The following NEB variants were observed in gnomAD, a reference collection of about 807,000 sequenced individuals.
NEB encodes nemaline myopathy type 2.
In NEB, 512 loss-of-function variants were observed where a neutral mutation model predicts 952.2. The observed-to-expected ratio is 0.54, with a 90% CI of 0.50 to 0.58. The LOEUF is 0.58. Among genes scored for constraint, NEB ranks in the 20% least tolerant of loss-of-function variants. The pLI, the probability that NEB is intolerant of heterozygous loss-of-function variation, is 0.00. For missense variants in NEB, 8,428 were observed against 9,231.1 expected (o/e 0.91, Z 3.56); for synonymous variants, 2,900 against 3,149.8 (o/e 0.92, Z 2.66).
intron 163 of NEB, among the ~76,000 whole-genome samples, chr2:151,506,699 A>T (rs1408610789): frequency 1.3e-5 from 2 of 152,190 alleles, no homozygotes; most frequent in African/African-American, 4.8e-5. Context: ...TTAAAAATAA[A>T]AGTTACGTTG....
chr2:151,589,817 G>A (rs146323641), intron 97 of NEB, 72 bp downstream of exon 97: 1 of 30 alleles, frequency 0.033, no homozygotes, highest in Admixed American at 0.25. Flanking sequence ...ACAGAGAGTT[G>A]TGTTTTCAGA....
rs1201164160 is a variant in NEB, at chr2:151,540,702, T to G, written c.20782A>C (p.Ser6928Arg). 5 of 1,613,136 alleles carry G rather than the reference T, an allele frequency of 3.1e-6. No homozygotes were observed. The Admixed American group carries it at 5.0e-5, about 16-fold the overall frequency. The change falls in exon 137 of 182, where the codon AGT (serine) becomes CGT (arginine). Residue 6928 changes from serine (S) to arginine (R), a missense_variant. This residue lies in a region of NEB where 3,374 missense variants were observed against 3,651.5 expected (regional missense o/e 0.92). Transcript: ENST00000397345. ...KHAKDVKDMV[S>R]EKKYKIQYEK... is the part of the protein sequence containing the mutation. The stretch of plus-strand genomic sequence containing the variant: ...GTGCTGAATTCCCATCTTACCTCAC[T>G]GACCATGTCCTTCACGTCTTTAGCA...
Position 151,485,809 on chromosome 2 carries a change from C to G in NEB, c.25529G>C (p.Arg8510Thr), listed in dbSNP as rs368167929. Residue 8510 changes from arginine (R) to threonine (T), a missense_variant, in exon 182 of 182, where the codon AGG (arginine) becomes ACG (threonine). By Grantham distance (71) the Arg-to-Thr change is moderately conservative (BLOSUM62 -1). Transcript: ENST00000397345. The part of the protein sequence containing the change: ...DEGWMYGTVQ[R>T]TGRTGMLPAN... ...TGGGAGCATTCCGGTCCTGCCAGTC[C>G]TCTGCACAGTGCCATACATCCAGCC... 1 of 1,614,064 alleles carries G rather than the reference C, an allele frequency of 6.2e-7. No individual in the cohort carries two copies. The highest frequency in any genetic ancestry group is 1.1e-5 in the South Asian group (1 of 91,072).
chr2:151,571,263 C>G (rs993952020), intron 107 of NEB, among the ~76,000 whole-genome samples: 6 of 152,202 alleles, frequency 3.9e-5, no homozygotes, highest in African/African-American at 1.4e-4. Flanking sequence ...GCCTCGGCCT[C>G]CCAAAGTGCT....
chr2:151,686,507 G>A (rs1417768138), intron 27 of NEB, among the ~76,000 whole-genome samples: 1 of 152,164 alleles, frequency 6.6e-6, no homozygotes, highest in Non-Finnish European at 1.5e-5. Flanking sequence ...AGTAATATAA[G>A]TGAGCACTAT....
chr2:151,529,851 G>C (rs1038959888), intron 145 of NEB, among the ~76,000 whole-genome samples: 5 of 152,080 alleles, frequency 3.3e-5, no homozygotes, highest in African/African-American at 1.2e-4. Context: ...TTTTGTTTCT[G>C]TGCTTGTGCT....
intron 36 of NEB, 133 bp from the exon 37 acceptor site, chr2:151,672,813 C>T (rs995171357): frequency 1.7e-4 from 124 of 741,240 alleles, no homozygotes; most frequent in Admixed American, 1.5e-4. Context: ...ACCACAACCC[C>T]CTCCAAAAAG....
At chr2:151,618,970 A>T (rs1573911705) in intron 73 of NEB, among the ~76,000 whole-genome samples, 1 of 152,216 alleles carries the variant, frequency 6.6e-6, no homozygotes, top group East Asian at 1.9e-4. Flanking sequence ...TCTCAATAGG[A>T]CATGCTGAAT....
intron 161 of NEB, among the ~76,000 whole-genome samples, chr2:151,511,790 A>G (rs1039021990): frequency 6.6e-6 from 1 of 152,086 alleles, no homozygotes; most frequent in Non-Finnish European, 1.5e-5. Context: ...GAGGGGAGTC[A>G]GGGGTTAGAC....
chr2:151,610,453 C>T, intron 80 of NEB, 63 bp downstream of exon 80: 1 of 1,292,242 alleles, frequency 7.7e-7, no homozygotes, highest in Non-Finnish European at 1.1e-6. Context: ...TGTGGTTCAC[C>T]AGCCACCCTC....
rs2058054071 is a variant in NEB at position 151,493,412 on chromosome 2, G to C, written c.24706C>G (p.Pro8236Ala). 1 of 1,608,088 alleles carries C rather than the reference G, an allele frequency of 6.2e-7. No individual in the cohort carries two copies. The highest frequency in any genetic ancestry group is 8.5e-7 in the Non-Finnish European group (1 of 1,178,132). Residue 8236 changes from proline to alanine, a missense_variant, in exon 176 of 182, where the codon CCG becomes GCG. Coordinates refer to ENST00000397345, the MANE Select transcript of NEB (RefSeq NM_001164508.2). ...TCCATCTCTGGAGTAACAGGTGTCG[G>C]AGTTGCTTTTCTCATGTTCTCTTTG... Reference protein sequence around the residue: ...LYKENMRKATPTPVTPEMERA... With the variant: ...LYKENMRKATATPVTPEMERA...
intron 72 of NEB, among the ~76,000 whole-genome samples, chr2:151,620,116 TA>T (rs2098358629): frequency 1.3e-5 from 2 of 152,040 alleles, no homozygotes; most frequent in Non-Finnish European, 2.9e-5. Context: ...CATGGATCAT[TA>T]AAATTTTCTA....
At chr2:151,626,114 CTTTT>C (rs745887781) in intron 70 of NEB, among the ~76,000 whole-genome samples, 1 of 138,890 alleles carries the variant, frequency 7.2e-6, no homozygotes, top group Non-Finnish European at 1.6e-5. Flanking sequence ...TTGCATCTTT[CTTTT>C]TTTTTTTTTT....
intron 168 of NEB, among the ~76,000 whole-genome samples, chr2:151,500,115 AATGAGT>A (rs1249145752): frequency 9.2e-5 from 14 of 152,196 alleles, no homozygotes; most frequent in Non-Finnish European, 4.4e-5. Flanking sequence ...CAGGGAAAAC[AATGAGT>A]ATAACATTCC....
chr2:151,711,630 G>A (rs1577325076), intron 10 of NEB, among the ~76,000 whole-genome samples: 1 of 152,050 alleles, frequency 6.6e-6, no homozygotes, highest in African/African-American at 2.4e-5. Context: ...TCAAACTCTG[G>A]GACCAAGACT....
chr2:151,490,214 A>T, intron 180 of NEB, 137 bp from the exon 181 acceptor site: 1 of 1,163,084 alleles, frequency 8.6e-7, no homozygotes, highest in East Asian at 2.5e-5. Context: ...AAAATGAAAC[A>T]TCTAACTTCA....
intron 9 of NEB, among the ~76,000 whole-genome samples, chr2:151,719,614 G>C (rs950977859): frequency 6.6e-6 from 1 of 152,200 alleles, no homozygotes; most frequent in African/African-American, 2.4e-5. Context: ...GCAAGGCACA[G>C]TGACTCACGC....
At chr2:151,717,084 C>T (rs573521385) in intron 10 of NEB, among the ~76,000 whole-genome samples, 45 of 152,334 alleles carry the variant, frequency 3.0e-4, no homozygotes, top group Admixed American at 1.2e-3. Flanking sequence ...TAAACCAGCT[C>T]TTCACGGAAG....
Position 151,503,423 on chromosome 2 carries a change from A to G in NEB, c.23761T>C (p.Leu7921=). 1.2e-6 allele frequency: 2 copies of G among 1,611,142 alleles called. No individual in the cohort carries two copies. Among genetic ancestry groups the G allele is most frequent in the South Asian group, 1.1e-5 (1 of 90,982 alleles). The change falls in exon 166 of 182, where the codon TTG becomes CTG. Residue 7921 remains leucine, a synonymous_variant. Transcript: ENST00000397345. ...ACAGTGGTTGGAATGCCTGTTCCCA[A>G]GTTTTCTTTGTACATAACCTGTAGA... ...HISSVMYKEN[L]GTGIPTTVTP...
Sources: allele counts gnomAD v4.1 joint callset (sites outside exome capture counted in the v4.1 genomes callset), GRCh38; gene constraint gnomAD v4.1.1; regional missense constraint gnomAD v4.1.1; transcripts MANE v1.5; gene names NCBI Gene and HGNC (gene_info 2026-07-23, HGNC 2026-07-21).